The following NEB variants were observed in gnomAD, a reference collection of about 807,000 sequenced individuals.
The protein encoded by NEB is nebulin.
In NEB, 512 loss-of-function variants were observed where a neutral mutation model predicts 952.2. The observed-to-expected ratio is 0.54, with a 90% CI of 0.50 to 0.58. The LOEUF (loss-of-function observed/expected upper bound fraction) is 0.58, where lower values mean the gene tolerates loss of function less well. Among genes scored for constraint, NEB ranks in the 20% least tolerant of loss-of-function variants. The probability of loss-of-function intolerance (pLI) is 0.00; values close to 1 mark genes in which losing one functional copy is unlikely to be tolerated. For synonymous variants in NEB, 2,900 were observed against 3,149.8 expected, an observed-to-expected ratio of 0.92 and a Z score of 2.66; for missense variants, 8,428 against 9,231.1, an observed-to-expected ratio of 0.91 and a Z score of 3.56.
rs2099021594 is a variant in NEB at position 151,650,873 on chromosome 2, G to T, written c.6928C>A (p.Gln2310Lys). 15 of 1,610,918 alleles carry T rather than the reference G, an allele frequency of 9.3e-6. No homozygotes were observed. Among genetic ancestry groups the T allele is most frequent in the Non-Finnish European group, 1.3e-5 (15 of 1,178,306 alleles). The part of the protein sequence containing the change: ...RDIASDYKYK[Q>K]GYRKQLGHHV... ...TGGCCAAGTTGCTTTCGGTAGCCTT[G>T]TTTGTATTTATACTGAAATCAGAGA... Residue 2310 changes from glutamine to lysine, a missense_variant, in exon 53 of 182, where the codon CAA (glutamine) becomes AAA (lysine). Coordinates refer to ENST00000397345, the MANE Select transcript of NEB (RefSeq NM_001164508.2).
chr2:151,634,033 C>A (rs2098713801), intron 64 of NEB, 68 bp from the exon 65 acceptor site: 2 of 1,509,734 alleles, frequency 1.3e-6, no homozygotes, highest in Admixed American at 1.9e-5. Flanking sequence ...TGTGCAAAAT[C>A]AACTTGCTTA....
rs776107526 is a variant in NEB at position 151,627,680 on chromosome 2, A to T, written c.9986T>A (p.Phe3329Tyr). 5 of 1,613,898 alleles carry T rather than the reference A, an allele frequency of 3.1e-6. No individual in the cohort carries two copies. The highest frequency in any genetic ancestry group is 3.4e-6 in the Non-Finnish European group (4 of 1,179,848). The change falls in exon 69 of 182, where the codon TTC becomes TAC. Residue 3329 changes from phenylalanine to tyrosine, a missense_variant. Physicochemically the swap from Phe to Tyr is conservative, Grantham distance 22. Transcript: ENST00000397345. The stretch of plus-strand genomic sequence containing the variant: ...TCCCAGCATGTCCACTGGGCTGCTG[A>T]ACTTGGTCTTCCACTTCTCAAAGTC... ...KKDFEKWKTK[F>Y]SSPVDMLGVV... is the part of the protein sequence containing the mutation.
chr2:151,659,218 C>T, intron 46 of NEB, 49 bp from the exon 47 acceptor site: 1 of 1,177,192 alleles, frequency 8.5e-7, no homozygotes. Context: ...AAAAGAAGCT[C>T]ACTTAGTACA....
At chr2:151,544,797 C>A (rs9287983) in intron 135 of NEB, among the ~76,000 whole-genome samples, 89,568 of 152,074 alleles carry the variant, frequency 0.59, 26,918 homozygotes, top group Admixed American at 0.69. Flanking sequence ...ATCAGAGCTA[C>A]TGAGAAGGAT....
At chr2:151,724,709 C>G in intron 7 of NEB, 148 bp downstream of exon 7, 1 of 648,794 alleles carries the variant, frequency 1.5e-6, no homozygotes, top group Admixed American at 2.8e-5. Context: ...GTCATCTGTG[C>G]AGCCTCCTTG....
At position 151,560,985 on chromosome 2, in the gene NEB, G is replaced by GA. The variant is rs761735803; in HGVS notation, c.19206+18dup. The GA allele has an allele frequency of 1.7e-5, 26 of 1,496,744 alleles. No homozygotes were observed. Among genetic ancestry groups the GA allele is most frequent in the South Asian group, 3.5e-5 (3 of 85,350 alleles). 92.7% of individuals were successfully genotyped at this position (1,496,744 alleles called of 1,614,324 possible). On this transcript the variant is annotated intron_variant, in intron 123 of 181. Coordinates refer to ENST00000397345, the MANE Select transcript of NEB (RefSeq NM_001164508.2). ...GGAAAGGTGGCTCATATATAAGGGG[G>GA]AAAAAAAACTCAACTCACACTGCTG... is the stretch of plus-strand genomic sequence containing the variant.
In NEB at chr2:151,627,576, G is replaced by A. The variant is rs927311248; in HGVS notation, c.10090C>T (p.Pro3364Ser). The change falls in exon 69 of 182, where the codon CCC becomes TCC. Residue 3364 changes from proline (P) to serine (S), a missense_variant. Pro to Ser is a moderately conservative substitution (Grantham distance 74, BLOSUM62 -1). Transcript: ENST00000397345. ...KNYLHEWTCL[P>S]DQNDVIHARQ... is the part of the protein sequence containing the mutation. ...GCATGGATGACATCATTCTGGTCGG[G>A]CAGGCACGTCCACTCGTGCAGGTAG... is the stretch of plus-strand genomic sequence containing the variant. The A allele has an allele frequency of 1.9e-6, 3 of 1,613,882 alleles. No homozygotes were observed. The highest frequency in any genetic ancestry group is 1.1e-5 in the South Asian group (1 of 91,090).
chr2:151,530,700 C>A, intron 145 of NEB: 1 of 288,442 alleles, frequency 3.5e-6, no homozygotes, highest in Non-Finnish European at 6.4e-6. Flanking sequence ...CTCGTCTACA[C>A]AATAGCCCAG....
chr2:151,535,943 TGTTGCCCA>T, intron 141 of NEB, 148 bp from the exon 142 acceptor site: 1 of 562,894 alleles, frequency 1.8e-6, no homozygotes, highest in South Asian at 2.2e-5. Flanking sequence ...GGTTTCACTC[TGTTGCCCA>T]GGCTGGACTG....
At chr2:151,633,566 C>G (rs911018230) in intron 65 of NEB, 88 bp downstream of exon 65, 2 of 1,471,096 alleles carry the variant, frequency 1.4e-6, no homozygotes, top group African/African-American at 1.4e-5. Flanking sequence ...TCAATCTTAA[C>G]TTGAGTAATG....
rs971925449 is a variant in NEB, at chr2:151,575,861, T to C, written c.16909-62A>G. On this transcript the variant is annotated intron_variant, in intron 106 of 181. Coordinates refer to ENST00000397345, the MANE Select transcript of NEB (RefSeq NM_001164508.2). ...AATTTTCATGTTGCTAGTCCCACTA[T>C]GCAACTTTTAAATTTTCTTTTGGAT... 7.8e-6 allele frequency: 9 copies of C among 1,150,354 alleles called. No individual in the cohort carries two copies. The African/African-American group carries it at 9.1e-5, about 12-fold the overall frequency. 71.3% of individuals were successfully genotyped at this position (1,150,354 alleles called of 1,614,324 possible). A position where few individuals can be genotyped will look rare whatever the true frequency, so the allele number is the denominator to read the frequency against.
chr2:151,725,408 G>A (rs1241187972), intron 6 of NEB, 45 bp downstream of exon 6: 3 of 1,471,576 alleles, frequency 2.0e-6, no homozygotes, highest in African/African-American at 1.4e-5. Context: ...AGCAGTAGGT[G>A]TATTTTGAAA....
intron 10 of NEB, 31 bp downstream of exon 10, chr2:151,717,385 G>A (rs775124411): frequency 9.1e-7 from 1 of 1,094,082 alleles, no homozygotes; most frequent in African/African-American, 1.6e-5. Context: ...GAGTCTTCAA[G>A]GGAGGCAATG....
intron 75 of NEB, 47 bp downstream of exon 75, chr2:151,617,317 G>A: frequency 7.6e-7 from 1 of 1,316,158 alleles, no homozygotes; most frequent in Non-Finnish European, 1.1e-6. Context: ...AGCTACAGTG[G>A]TTCATTTTTG....
chr2:151,705,694 G>C (rs1190985243), intron 13 of NEB, among the ~76,000 whole-genome samples: 1 of 152,026 alleles, frequency 6.6e-6, no homozygotes, highest in Non-Finnish European at 1.5e-5. Flanking sequence ...ACCAACGAGA[G>C]GATAAAGAAA....
chr2:151,655,680 G>A, intron 50 of NEB, 137 bp downstream of exon 50: 1 of 806,048 alleles, frequency 1.2e-6, no homozygotes, highest in Non-Finnish European at 1.9e-6. Flanking sequence ...AGAAGAAGAT[G>A]GTGTAGGGGA....
chr2:151,557,071 A>T (rs917590319), intron 124 of NEB, among the ~76,000 whole-genome samples: 3 of 152,206 alleles, frequency 2.0e-5, no homozygotes, highest in Admixed American at 1.3e-4. Flanking sequence ...AAATCAATGA[A>T]TCCAGGAGCT....
chr2:151,665,603 T>A, intron 41 of NEB, 64 bp from the exon 42 acceptor site: 1 of 1,351,618 alleles, frequency 7.4e-7, no homozygotes, highest in Non-Finnish European at 9.9e-7. Context: ...TTTGGCTATG[T>A]GATTTACTTA....
At chr2:151,497,487 G>C in intron 171 of NEB, 139 bp downstream of exon 171, 1 of 1,472,324 alleles carries the variant, frequency 6.8e-7, no homozygotes, top group Non-Finnish European at 8.9e-7. Context: ...TAGCCCAAAG[G>C]AAAAAAGGAT....
Sources: gnomAD v4.1 joint callset for allele counts (sites outside exome capture counted in the v4.1 genomes callset) on GRCh38, gnomAD v4.1.1 for gene constraint, MANE v1.5 for transcripts, NCBI Gene and HGNC (gene_info 2026-07-23, HGNC 2026-07-21) for gene names.